The following FAM193A variants were observed in gnomAD, a reference collection of about 807,000 sequenced individuals.
The protein encoded by FAM193A is family with sequence similarity 193 member A.
FAM193A carries 22 observed loss-of-function variants against 126.5 expected under a neutral mutation model. The observed-to-expected ratio is 0.17, with a 90% CI of 0.12 to 0.25. The LOEUF (loss-of-function observed/expected upper bound fraction) is 0.25. Ranked by LOEUF, FAM193A falls within the 10% of genes least tolerant of loss-of-function variation. The probability of loss-of-function intolerance (pLI) is 1.00; values close to 1 mark genes in which losing one functional copy is unlikely to be tolerated. For missense variants in FAM193A, 1,675 were observed against 1,672.8 expected, an observed-to-expected ratio of 1.00 and a Z score of -0.02; for synonymous variants, 761 against 646.8, an observed-to-expected ratio of 1.18 and a Z score of -2.68.
intron 1 of FAM193A, among the ~76,000 whole-genome samples, chr4:2,567,077 C>A (rs756091896): frequency 1.5e-4 from 22 of 151,584 alleles, no homozygotes; most frequent in Non-Finnish European, 3.1e-4. Flanking sequence ...GTAGCCGGGA[C>A]TACAGGCGCC....
At chr4:2,649,228 G>A (rs1044602831) in intron 7 of FAM193A, among the ~76,000 whole-genome samples, 1 of 151,630 alleles carries the variant, frequency 6.6e-6, no homozygotes, top group Non-Finnish European at 1.5e-5. Context: ...TAAAAAATTA[G>A]CCAGGCTGGG....
Position 2,581,529 on chromosome 4 carries a change from C to T in FAM193A, c.256-14555C>T, listed in dbSNP as rs180747823. On this transcript the variant is annotated intron_variant, in intron 1 of 20. Coordinates refer to ENST00000637812, the MANE Select transcript of FAM193A (RefSeq NM_001366318.2). ...TGGGCCTCCCAAAGTGCTGAGATTA[C>T]AGGCGTGAGCCACCATGCCCAGCTT... Among the ~76,000 whole-genome samples, 141 of 152,290 alleles carry T rather than the reference C, an allele frequency of 9.3e-4. 2 individuals are homozygous for T. In the Middle Eastern group the frequency reaches 0.031, roughly 33 times the overall value.
At chr4:2,729,292 G>A (rs949789308) in intron 20 of FAM193A, among the ~76,000 whole-genome samples, 10 of 152,010 alleles carry the variant, frequency 6.6e-5, no homozygotes, top group South Asian at 2.1e-4. Flanking sequence ...GTGAGCATGC[G>A]CATGCTCCAG....
intron 1 of FAM193A, among the ~76,000 whole-genome samples, chr4:2,590,497 AAAAAAAAAC>A (rs1384659955): frequency 0.024 from 1,820 of 76,146 alleles, 436 homozygotes; most frequent in African/African-American, 0.16. Flanking sequence ...AAAAAAAAAC[AAAAAAAAAC>A]AAAAAAAAAA....
intron 17 of FAM193A, among the ~76,000 whole-genome samples, chr4:2,696,111 T>C (rs576660256): frequency 8.5e-5 from 13 of 152,348 alleles, no homozygotes; most frequent in Non-Finnish European, 1.8e-4. Flanking sequence ...AATCCACTTA[T>C]GTGCATAGCT....
chr4:2,617,386 C>G (rs1016388542), intron 2 of FAM193A, among the ~76,000 whole-genome samples: 1 of 145,290 alleles, frequency 6.9e-6, no homozygotes, highest in African/African-American at 2.6e-5. Context: ...CTGCCTCAGC[C>G]TCCCAAGTAG....
At chr4:2,549,031 C>T (rs780571877) in intron 1 of FAM193A, among the ~76,000 whole-genome samples, 8 of 150,456 alleles carry the variant, frequency 5.3e-5, no homozygotes, top group African/African-American at 2.0e-4. Flanking sequence ...CTCCGCCTCC[C>T]GGTTTAGGTG....
chr4:2,599,738 A>G (rs1741084705), intron 2 of FAM193A, among the ~76,000 whole-genome samples: 1 of 140,694 alleles, frequency 7.1e-6, no homozygotes, highest in African/African-American at 2.7e-5. Context: ...CTCTTGCCAT[A>G]GTTTTTTTTT....
chr4:2,709,746 G>GT (rs199821249), intron 19 of FAM193A, among the ~76,000 whole-genome samples: 4,819 of 152,024 alleles, frequency 0.032, 237 homozygotes, highest in African/African-American at 0.11. Context: ...AAATTTTCTT[G>GT]TTTTTTACAT....
At chr4:2,688,394 GATC>G (rs1715986248) in intron 13 of FAM193A, among the ~76,000 whole-genome samples, 1 of 152,134 alleles carries the variant, frequency 6.6e-6, no homozygotes, top group Admixed American at 6.5e-5. Flanking sequence ...CTGAGGAAGC[GATC>G]TTTAGGCCGA....
Position 2,618,671 on chromosome 4 carries a change from C to A in FAM193A, c.502-6591C>A, listed in dbSNP as rs1295237256. Among the ~76,000 whole-genome samples, 14 of 148,178 alleles carry A rather than the reference C, an allele frequency of 9.4e-5. No individual in the cohort carries two copies. The Admixed American group carries it at 9.5e-4, about 10-fold the overall frequency. On this transcript the variant is annotated intron_variant, in intron 2 of 20. Coordinates refer to ENST00000637812, the MANE Select transcript of FAM193A (RefSeq NM_001366318.2). ...AGTGCAATGGTGTGATCTCGTCTCA[C>A]TGCAACCTCCTCCTCCTGGGTTCAA...
At chr4:2,680,445 C>A (rs190654992) in intron 13 of FAM193A, among the ~76,000 whole-genome samples, 1 of 151,776 alleles carries the variant, frequency 6.6e-6, no homozygotes, top group East Asian at 2.0e-4. Context: ...CTTGGCCCCC[C>A]AATAGCTGGG....
intron 5 of FAM193A, among the ~76,000 whole-genome samples, chr4:2,638,131 C>G (rs551665720): frequency 6.6e-6 from 1 of 152,318 alleles, no homozygotes; most frequent in African/African-American, 2.4e-5. Context: ...CCAGGAGGCC[C>G]CTCCCTCAGC....
intron 3 of FAM193A, among the ~76,000 whole-genome samples, chr4:2,626,035 C>G (rs371124653): frequency 1.3e-5 from 2 of 152,220 alleles, no homozygotes; most frequent in African/African-American, 4.8e-5. Context: ...AGGAGCACAT[C>G]TAAAAATGCT....
chr4:2,728,875 A>G (rs555429989), intron 20 of FAM193A, among the ~76,000 whole-genome samples: 48 of 150,822 alleles, frequency 3.2e-4, no homozygotes, highest in Admixed American at 2.6e-3. Flanking sequence ...TCTAATAAGC[A>G]AATATGTTCC....
At chr4:2,649,061 T>G (rs1011059748) in intron 7 of FAM193A, among the ~76,000 whole-genome samples, 1 of 152,162 alleles carries the variant, frequency 6.6e-6, no homozygotes, top group Admixed American at 6.5e-5. Flanking sequence ...CCAAATAAGT[T>G]TTTTCTGTGT....
intron 5 of FAM193A, among the ~76,000 whole-genome samples, chr4:2,635,555 C>T (rs1485645175): frequency 5.9e-5 from 9 of 151,888 alleles, no homozygotes; most frequent in Admixed American, 5.9e-4. Context: ...AACTATTTTC[C>T]AAAATAAAAC....
At chr4:2,621,946 G>A (rs1431967695) in intron 2 of FAM193A, among the ~76,000 whole-genome samples, 1 of 152,044 alleles carries the variant, frequency 6.6e-6, no homozygotes, top group Non-Finnish European at 1.5e-5. Flanking sequence ...AGGTACTCAG[G>A]TCCAGTCTAC....
chr4:2,678,897 G>A (rs541430438), intron 13 of FAM193A, among the ~76,000 whole-genome samples: 1 of 152,232 alleles, frequency 6.6e-6, no homozygotes, highest in African/African-American at 2.4e-5. Flanking sequence ...TTCCTTTCCA[G>A]TTTAGATGCC....
Sources: gnomAD v4.1 joint callset for allele counts (sites outside exome capture counted in the v4.1 genomes callset) on GRCh38, gnomAD v4.1.1 for gene constraint, MANE v1.5 for transcripts, NCBI Gene and HGNC (gene_info 2026-07-23, HGNC 2026-07-21) for gene names.